PKNOX2: variants seen among roughly 807,000 people sequenced by gnomAD.
The protein encoded by PKNOX2 is homeobox protein PKNOX2.
Under a neutral mutation model 53.1 loss-of-function variants are expected in PKNOX2, and 14 were observed. The observed-to-expected ratio is 0.26, with a 90% CI of 0.17 to 0.41. PKNOX2 has a LOEUF of 0.41. Ranked by LOEUF, PKNOX2 falls within the 10% of genes least tolerant of loss-of-function variation. The probability of loss-of-function intolerance (pLI) is 1.00; values close to 1 mark genes in which losing one functional copy is unlikely to be tolerated. For missense variants in PKNOX2, 496 were observed against 602.8 expected, an observed-to-expected ratio of 0.82 and a Z score of 1.85; for synonymous variants, 257 against 242.8, an observed-to-expected ratio of 1.06 and a Z score of -0.54.
intron 2 of PKNOX2, among the ~76,000 whole-genome samples, chr11:125,271,436 T>C (rs76261127): frequency 0.04 from 6,037 of 152,290 alleles, 372 homozygotes; most frequent in African/African-American, 0.13. Context: ...TTGAATAGAC[T>C]TCCTCCCATA....
intron 2 of PKNOX2, among the ~76,000 whole-genome samples, chr11:125,300,775 C>T (rs780718306): frequency 1.3e-5 from 2 of 152,148 alleles, no homozygotes; most frequent in Admixed American, 1.3e-4. Flanking sequence ...CAGGCAGGGC[C>T]CTGCATTTTT....
chr11:125,420,750 C>T (rs934527469), intron 10 of PKNOX2, among the ~76,000 whole-genome samples: 5 of 152,220 alleles, frequency 3.3e-5, no homozygotes, highest in Non-Finnish European at 5.9e-5. Flanking sequence ...TCAGGGGTCC[C>T]AGAGGCCTGA....
intron 1 of PKNOX2, among the ~76,000 whole-genome samples, chr11:125,214,527 C>T (rs1318800731): frequency 6.6e-6 from 1 of 152,064 alleles, no homozygotes; most frequent in Non-Finnish European, 1.5e-5. Flanking sequence ...GGAAAGGCTC[C>T]TCCACCTAAG....
intron 2 of PKNOX2, chr11:125,258,925 C>T (rs1248384706): frequency 1.2e-5 from 4 of 337,848 alleles, no homozygotes; most frequent in Admixed American, 1.2e-4. Flanking sequence ...CCAACAGTGA[C>T]AGAAGCCGTG....
At chr11:125,283,971 C>A (rs940783579) in intron 2 of PKNOX2, among the ~76,000 whole-genome samples, 1 of 152,172 alleles carries the variant, frequency 6.6e-6, no homozygotes, top group East Asian at 1.9e-4. Context: ...CAATTAAGAT[C>A]ATTGGTTCTG....
chr11:125,298,216 G>C (rs758667166), intron 2 of PKNOX2, among the ~76,000 whole-genome samples: 1 of 152,210 alleles, frequency 6.6e-6, no homozygotes, highest in Non-Finnish European at 1.5e-5. Context: ...TGGAGGTTCA[G>C]ACAGGGGTAG....
chr11:125,307,094 C>A (rs141374501), intron 2 of PKNOX2, among the ~76,000 whole-genome samples: 118 of 152,272 alleles, frequency 7.7e-4, no homozygotes, highest in Non-Finnish European at 1.2e-3. Context: ...CCTTGACATA[C>A]CTGTGCCCTC....
At chr11:125,176,357 C>T (rs953455992) in intron 1 of PKNOX2, among the ~76,000 whole-genome samples, 7 of 152,178 alleles carry the variant, frequency 4.6e-5, no homozygotes, top group Non-Finnish European at 4.4e-5. Flanking sequence ...TCAGACCCTG[C>T]GGAGGCGCTA....
chr11:125,212,570 G>A (rs1038724746), intron 1 of PKNOX2, among the ~76,000 whole-genome samples: 6 of 151,122 alleles, frequency 4.0e-5, no homozygotes, highest in African/African-American at 1.5e-4. Context: ...TTCTAGGAGG[G>A]GATTCTTAAA....
intron 2 of PKNOX2, among the ~76,000 whole-genome samples, chr11:125,310,121 A>T (rs1232056158): frequency 6.6e-6 from 1 of 152,172 alleles, no homozygotes; most frequent in African/African-American, 2.4e-5. Flanking sequence ...GTGTTTTTTT[A>T]AAGGGCAATA....
At chr11:125,176,982 T>C (rs4935907) in intron 1 of PKNOX2, among the ~76,000 whole-genome samples, 41,136 of 152,108 alleles carry the variant, frequency 0.27, 5,726 homozygotes, top group African/African-American at 0.3. Flanking sequence ...CCAGTTAGGG[T>C]CCTGGTGATA....
At position 125,378,972 on chromosome 11, in the gene PKNOX2, TTG is replaced by T. The variant is rs200130741; in HGVS notation, c.228-6577_228-6576del. ...TCCTCCCCTAAGAAGGAAGAAATGT[TTG>T]TTTTTTTTTTTTAAACCCAGGTGGT... On this transcript the variant is annotated intron_variant, in intron 5 of 12. Coordinates refer to ENST00000298282, the MANE Select transcript of PKNOX2 (RefSeq NM_001382323.2). Among the ~76,000 whole-genome samples the T allele has an allele frequency of 2.9e-3, 430 of 148,890 alleles. 2 individuals are homozygous for T. The highest frequency in any genetic ancestry group is 0.01 in the African/African-American group (396 of 38,860).
intron 2 of PKNOX2, among the ~76,000 whole-genome samples, chr11:125,329,620 T>C (rs75890582): frequency 0.042 from 6,409 of 152,284 alleles, 381 homozygotes; most frequent in African/African-American, 0.13. Context: ...CAGCATGTTA[T>C]TTGGAAGCAC....
At chr11:125,215,716 T>C (rs1940420250) in intron 1 of PKNOX2, among the ~76,000 whole-genome samples, 2 of 149,938 alleles carry the variant, frequency 1.3e-5, no homozygotes, top group Non-Finnish European at 3.0e-5. Flanking sequence ...CGTGCCATTG[T>C]ACTCCAACCT....
chr11:125,224,875 G>A (rs1191889318), intron 1 of PKNOX2, among the ~76,000 whole-genome samples: 2 of 152,242 alleles, frequency 1.3e-5, no homozygotes, highest in East Asian at 1.9e-4. Flanking sequence ...GCCCCCCGGA[G>A]GCAAGTTAGG....
chr11:125,354,894 C>A (rs972974329), intron 4 of PKNOX2, among the ~76,000 whole-genome samples: 16 of 152,112 alleles, frequency 1.1e-4, no homozygotes, highest in Admixed American at 1.0e-3. Context: ...CAGTCCATCC[C>A]GGAGAAACTT....
At chr11:125,236,343 C>G (rs1403561578) in intron 2 of PKNOX2, among the ~76,000 whole-genome samples, 1 of 145,710 alleles carries the variant, frequency 6.9e-6, no homozygotes, top group African/African-American at 2.6e-5. Context: ...GGAAGGGTAC[C>G]TCCCTCCATC....
chr11:125,226,535 G>A (rs928486090), intron 1 of PKNOX2, among the ~76,000 whole-genome samples: 14 of 152,172 alleles, frequency 9.2e-5, no homozygotes, highest in South Asian at 2.1e-4. Context: ...GACAAGGGCC[G>A]TCTCCTAGGT....
At chr11:125,209,745 A>G (rs1377127803) in intron 1 of PKNOX2, among the ~76,000 whole-genome samples, 1 of 152,022 alleles carries the variant, frequency 6.6e-6, no homozygotes, top group East Asian at 1.9e-4. Flanking sequence ...TGTTGTGGAA[A>G]AACAAATAAA....
Sources: gnomAD v4.1 joint callset for allele counts (sites outside exome capture counted in the v4.1 genomes callset) on GRCh38, gnomAD v4.1.1 for gene constraint, MANE v1.5 for transcripts, NCBI Gene and HGNC (gene_info 2026-07-23, HGNC 2026-07-21) for gene names.